Variants in BRCA1 observed in about 807,000 individuals in gnomAD.
BRCA1 encodes BRCA1 DNA repair associated.
Under a neutral mutation model 173.7 loss-of-function variants are expected in BRCA1, and 140 were observed. That is an observed-to-expected ratio of 0.81 (90% CI 0.70 to 0.93). The LOEUF is 0.93. BRCA1 is among the 40% of genes least tolerant of loss of function. The pLI is 0.00. For missense variants in BRCA1, 1,983 were observed against 2,172.5 expected, an observed-to-expected ratio of 0.91 and a Z score of 1.73; for synonymous variants, 662 against 756.0, an observed-to-expected ratio of 0.88 and a Z score of 2.04.
intron 20 of BRCA1, chr17:43,050,082 C>T (rs1490512430): frequency 2.5e-6 from 1 of 398,516 alleles, no homozygotes; most frequent in Admixed American, 4.4e-5. Flanking sequence ...GGTTTTCTTG[C>T]TGTCACTCAT....
chr17:43,124,398 G>C (rs1040433045), intron 1 of BRCA1, among the ~76,000 whole-genome samples: 8 of 152,066 alleles, frequency 5.3e-5, no homozygotes, highest in Admixed American at 3.9e-4. Context: ...TGACTGACCG[G>C]GTAGGTGGTG....
At chr17:43,115,871 G>A (rs1240914143) in intron 2 of BRCA1, 92 bp from the exon 3 acceptor site, 1 of 1,336,878 alleles carries the variant, frequency 7.5e-7, no homozygotes, top group African/African-American at 1.5e-5. Context: ...GTTCAACTTT[G>A]AGCTGTTATG....
At chr17:43,089,696 A>C (rs1361666494) in intron 11 of BRCA1, among the ~76,000 whole-genome samples, 2 of 151,394 alleles carry the variant, frequency 1.3e-5, no homozygotes, top group African/African-American at 4.9e-5. Flanking sequence ...TTAAAGAAAA[A>C]AGATGATTTA....
intron 6 of BRCA1, among the ~76,000 whole-genome samples, chr17:43,101,522 A>G (rs923995216): frequency 4.6e-5 from 7 of 151,786 alleles, no homozygotes; most frequent in Non-Finnish European, 7.4e-5. Context: ...TTCTTTTTTG[A>G]GACAGAGTCT....
chr17:43,145,038 C>T (rs1038585453), intron 1 of BRCA1: 14 of 777,964 alleles, frequency 1.8e-5, no homozygotes, highest in African/African-American at 1.6e-4. Context: ...TCAGCTAAAC[C>T]TCCTGCAAAA....
intron 18 of BRCA1, 84 bp downstream of exon 18, chr17:43,063,249 T>C (rs1240979895): frequency 2.7e-6 from 3 of 1,113,972 alleles, no homozygotes; most frequent in Admixed American, 1.8e-5. Flanking sequence ...AGGAAAGTGG[T>C]GCATTGATGG....
At chr17:43,091,332 T>A in intron 10 of BRCA1, 103 bp downstream of exon 10, 9 of 1,454,554 alleles carry the variant, frequency 6.2e-6, no homozygotes, top group Non-Finnish European at 8.6e-6. Context: ...GCAGTTCCTT[T>A]AACTATACTT....
intron 12 of BRCA1, among the ~76,000 whole-genome samples, chr17:43,078,367 G>A (rs921887794): frequency 2.0e-5 from 3 of 152,154 alleles, no homozygotes; most frequent in Admixed American, 6.5e-5. Context: ...TTATAGGCAT[G>A]AGCCACCATA....
In BRCA1 at chr17:43,093,824, G is replaced by T. The variant is rs876659110; in HGVS notation, c.1707C>A (p.Asn569Lys). 1 of 1,613,400 alleles carries T rather than the reference G, an allele frequency of 6.2e-7. No individual in the cohort carries two copies. The highest frequency in any genetic ancestry group is 1.1e-5 in the South Asian group (1 of 90,980). ...GDSIQNEKNPNPIESLEKESA... is the reference protein window; with the variant it reads ...GDSIQNEKNPKPIESLEKESA... The stretch of plus-strand genomic sequence containing the variant: ...ATTCTTTTTCGAGTGATTCTATTGG[G>T]TTAGGATTTTTCTCATTCTGAATAG... The change falls in exon 10 of 23, where the codon AAC becomes AAA. Residue 569 changes from asparagine to lysine, a missense_variant. Transcript: ENST00000357654.
intron 2 of BRCA1, among the ~76,000 whole-genome samples, chr17:43,122,206 G>A (rs2055610029): frequency 6.6e-6 from 1 of 152,090 alleles, no homozygotes. Context: ...CTTTCATAAA[G>A]CAGAAAAGAA....
chr17:43,063,726 A>T, intron 17 of BRCA1, 148 bp downstream of exon 17: 1 of 694,598 alleles, frequency 1.4e-6, no homozygotes, highest in Non-Finnish European at 2.5e-6. Flanking sequence ...AAGTGATATT[A>T]AAGATAAAAG....
At chr17:43,104,480 A>G (rs2054652585) in intron 5 of BRCA1, among the ~76,000 whole-genome samples, 1 of 152,196 alleles carries the variant, frequency 6.6e-6, no homozygotes, top group Non-Finnish European at 1.5e-5. Flanking sequence ...AAAGTTATTT[A>G]GAGTCCTTGT....
upstream of BRCA1, chr17:43,125,624 C>T (rs1026800618): frequency 1.1e-5 from 3 of 279,184 alleles, no homozygotes; most frequent in Non-Finnish European, 2.1e-5. Context: ...AGTGCCTGCC[C>T]TCTAGCCTCT....
In BRCA1 at chr17:43,094,272, T is replaced by C. The variant is rs730881442; in HGVS notation, c.1259A>G (p.Asp420Gly). ...ADVLDVLNEV[D>G]EYSGSSEKID... is the part of the protein sequence containing the mutation. ...TTTCTCTGAAGAACCAGAATATTCA[T>C]CTACCTCATTTAGAACGTCCAATAC... The change falls in exon 10 of 23, where the codon GAT (aspartate) becomes GGT (glycine). Residue 420 changes from aspartate (D) to glycine (G), a missense_variant. Coordinates refer to ENST00000357654, the MANE Select transcript of BRCA1 (RefSeq NM_007294.4). The C allele has an allele frequency of 1.4e-5, 23 of 1,614,088 alleles. No individual in the cohort carries two copies. The highest frequency in any genetic ancestry group is 1.9e-5 in the Non-Finnish European group (23 of 1,180,050).
In BRCA1 at chr17:43,115,798, A is replaced by T. The variant is rs1567818131; in HGVS notation, c.81-19T>A. ...CTCCAGACTAGCAGGGTAGGGGGGG[A>T]GAAAAAGAAAATAAATGAGGCTCAA... On this transcript the variant is annotated intron_variant, in intron 2 of 22. Coordinates refer to ENST00000357654, the MANE Select transcript of BRCA1 (RefSeq NM_007294.4). 6.2e-7 allele frequency: 1 copy of T among 1,606,088 alleles called. No individual in the cohort carries two copies. The highest frequency in any genetic ancestry group is 1.1e-5 in the South Asian group (1 of 90,006).
chr17:43,055,514 G>A (rs2051421516), intron 19 of BRCA1, among the ~76,000 whole-genome samples: 1 of 152,208 alleles, frequency 6.6e-6, no homozygotes, highest in Admixed American at 6.5e-5. Flanking sequence ...GCCGGGTGCA[G>A]TGGCTCATGC....
At chr17:43,110,562 G>A in intron 3 of BRCA1, 2 of 441,158 alleles carry the variant, frequency 4.5e-6, no homozygotes, top group South Asian at 1.6e-5. Context: ...TACTCCAGCT[G>A]GGACAACAGA....
chr17:43,160,070 C>G (rs2056225586), intron 1 of BRCA1: 1 of 148,522 alleles, frequency 6.7e-6, no homozygotes, highest in African/African-American at 2.5e-5. Context: ...GAGACGGAGT[C>G]TTACTCTGTT....
In BRCA1 at chr17:43,055,742, C is replaced by T. The variant is rs559980804; in HGVS notation, c.5277+1310G>A. ...TGGAGACTGCAGTGAGCTGAGATTG[C>T]GCCACTGCACTCCAGACTGGCCAAC... On this transcript the variant is annotated intron_variant, in intron 19 of 22. Transcript: ENST00000357654. 6.6e-5 allele frequency among the ~76,000 whole-genome samples: 10 copies of T among 152,168 alleles called. No homozygotes were observed. In the South Asian group the frequency reaches 1.2e-3, roughly 19 times the overall value.
Sources: gnomAD v4.1 joint callset for allele counts (sites outside exome capture counted in the v4.1 genomes callset) on GRCh38, gnomAD v4.1.1 for gene constraint, MANE v1.5 for transcripts, NCBI Gene and HGNC (gene_info 2026-07-23, HGNC 2026-07-21) for gene names.